The following TAFA1 variants were observed in gnomAD, a reference collection of about 807,000 sequenced individuals.
TAFA1 encodes chemokine-like protein TAFA-1.
TAFA1 carries 4 observed loss-of-function variants against 18.5 expected under a neutral mutation model. The observed-to-expected ratio is 0.22, with a 90% confidence interval of 0.11 to 0.49. TAFA1 has a LOEUF of 0.49. Ranked by LOEUF, TAFA1 falls within the 20% of genes least tolerant of loss-of-function variation. The probability of loss-of-function intolerance (pLI) is 0.98; values close to 1 mark genes in which losing one functional copy is unlikely to be tolerated. For synonymous variants in TAFA1, 56 were observed against 55.2 expected (o/e 1.01, Z -0.06); for missense variants, 147 against 169.0 (o/e 0.87, Z 0.72).
chr3:68,248,099 CTT>C (rs1455454743), intron 2 of TAFA1, among the ~76,000 whole-genome samples: 2 of 152,156 alleles, frequency 1.3e-5, no homozygotes, highest in Non-Finnish European at 2.9e-5. Flanking sequence ...AAGGTTTAGA[CTT>C]TGAGAATAGG....
intron 3 of TAFA1, among the ~76,000 whole-genome samples, chr3:68,463,223 C>G (rs867361786): frequency 6.6e-6 from 1 of 152,116 alleles, no homozygotes; most frequent in Non-Finnish European, 1.5e-5. Context: ...AGCAGAACAC[C>G]ATTAAATTTT....
chr3:68,487,812 A>AG (rs1460914664), intron 3 of TAFA1, among the ~76,000 whole-genome samples: 1 of 42,802 alleles, frequency 2.3e-5, no homozygotes, highest in Non-Finnish European at 6.9e-5. Flanking sequence ...GTACCAAAAG[A>AG]AAAAAAAAAA....
chr3:68,256,484 AG>A (rs1487854445), intron 2 of TAFA1, among the ~76,000 whole-genome samples: 1 of 152,164 alleles, frequency 6.6e-6, no homozygotes, highest in Admixed American at 6.5e-5. Flanking sequence ...CACATATTGT[AG>A]TACAAAGTCA....
intron 2 of TAFA1, among the ~76,000 whole-genome samples, chr3:68,412,352 G>A (rs1254199223): frequency 6.7e-6 from 1 of 149,424 alleles, no homozygotes; most frequent in Non-Finnish European, 1.5e-5. Context: ...TTTTTCTTTT[G>A]CATTTTAAAT....
chr3:68,410,108 C>T (rs1334764601), intron 2 of TAFA1, among the ~76,000 whole-genome samples: 8 of 152,030 alleles, frequency 5.3e-5, no homozygotes, highest in Non-Finnish European at 1.0e-4. Flanking sequence ...TTGCTGCTGC[C>T]GGAAATAATC....
At chr3:68,194,073 G>A (rs2066381489) in intron 2 of TAFA1, among the ~76,000 whole-genome samples, 1 of 151,756 alleles carries the variant, frequency 6.6e-6, no homozygotes, top group South Asian at 2.1e-4. Context: ...CACAGCAAAG[G>A]GCAGAAACTC....
At chr3:68,431,660 T>C (rs2071174994) in intron 3 of TAFA1, among the ~76,000 whole-genome samples, 2 of 151,970 alleles carry the variant, frequency 1.3e-5, no homozygotes, top group South Asian at 2.1e-4. Context: ...GGAAATTTGT[T>C]ATGGGAATAT....
At chr3:68,132,348 A>C (rs937310537) in intron 2 of TAFA1, among the ~76,000 whole-genome samples, 2 of 152,182 alleles carry the variant, frequency 1.3e-5, no homozygotes, top group Non-Finnish European at 2.9e-5. Context: ...ATATGTGTGC[A>C]TGTGTCTTTA....
At chr3:68,118,014 T>G (rs2065344161) in intron 2 of TAFA1, among the ~76,000 whole-genome samples, 1 of 152,244 alleles carries the variant, frequency 6.6e-6, no homozygotes, top group African/African-American at 2.4e-5. Context: ...GAACTGGTTT[T>G]GTTGAAAACA....
the TAFA1 span, among the ~76,000 whole-genome samples, chr3:67,998,728 G>A: frequency 6.6e-6 from 1 of 152,196 alleles, no homozygotes; most frequent in Non-Finnish European, 1.5e-5. Flanking sequence ...AGAATGAATA[G>A]AAATCCTGGA....
chr3:68,502,729 A>G (rs1297696926), intron 3 of TAFA1, among the ~76,000 whole-genome samples: 1 of 151,922 alleles, frequency 6.6e-6, no homozygotes, highest in African/African-American at 2.4e-5. Flanking sequence ...CCTTCTTAAT[A>G]CTCTGAGACA....
At chr3:68,310,218 A>G (rs2068491287) in intron 2 of TAFA1, among the ~76,000 whole-genome samples, 1 of 152,202 alleles carries the variant, frequency 6.6e-6, no homozygotes, top group African/African-American at 2.4e-5. Flanking sequence ...TGTACCAATA[A>G]CCAAACCATA....
At chr3:68,277,852 A>G (rs947427337) in intron 2 of TAFA1, among the ~76,000 whole-genome samples, 6 of 152,186 alleles carry the variant, frequency 3.9e-5, no homozygotes, top group African/African-American at 1.4e-4. Context: ...TCAACAATAT[A>G]TCGTGACAAC....
chr3:68,168,206 A>C (rs1053961333), intron 2 of TAFA1, among the ~76,000 whole-genome samples: 3 of 151,370 alleles, frequency 2.0e-5, no homozygotes, highest in Non-Finnish European at 4.4e-5. Flanking sequence ...AGGAACCACT[A>C]TCTCTTGTGT....
intron 2 of TAFA1, among the ~76,000 whole-genome samples, chr3:68,010,542 A>T (rs919528887): frequency 1.3e-5 from 2 of 152,224 alleles, no homozygotes; most frequent in African/African-American, 4.8e-5. Flanking sequence ...GTACACAAAC[A>T]GAATGAGAAT....
At chr3:68,211,490 G>T (rs889035759) in intron 2 of TAFA1, among the ~76,000 whole-genome samples, 1 of 151,996 alleles carries the variant, frequency 6.6e-6, no homozygotes, top group African/African-American at 2.4e-5. Flanking sequence ...ACCCTTCTGG[G>T]TACCAAAAAT....
chr3:68,260,571 G>C (rs1575720838), intron 2 of TAFA1, among the ~76,000 whole-genome samples: 1 of 151,972 alleles, frequency 6.6e-6, no homozygotes, highest in East Asian at 1.9e-4. Context: ...CCAAAACAGA[G>C]ATATAGACCA....
chr3:68,100,936 T>C (rs1314907459), intron 2 of TAFA1, among the ~76,000 whole-genome samples: 1 of 152,216 alleles, frequency 6.6e-6, no homozygotes, highest in Non-Finnish European at 1.5e-5. Context: ...ACATGTTTAG[T>C]TACCTGTTCA....
intron 2 of TAFA1, among the ~76,000 whole-genome samples, chr3:68,079,822 A>G (rs1028351206): frequency 1.3e-5 from 2 of 152,148 alleles, no homozygotes; most frequent in Non-Finnish European, 2.9e-5. Flanking sequence ...GTAGATGTCT[A>G]TTAGGTCGGC....
Sources: allele counts gnomAD v4.1 joint callset (sites outside exome capture counted in the v4.1 genomes callset), GRCh38; gene constraint gnomAD v4.1.1; transcripts MANE v1.5; gene names NCBI Gene and HGNC (gene_info 2026-07-23, HGNC 2026-07-21).